The following SHANK2 variants were observed in gnomAD, a reference collection of about 807,000 sequenced individuals.
SHANK2 encodes the protein SH3 and multiple ankyrin repeat domains protein 2.
In SHANK2, 43 loss-of-function variants were observed where a neutral mutation model predicts 133.7. The ratio of observed to expected loss-of-function variants is 0.32; its 90% confidence interval spans 0.25 to 0.41. The LOEUF (loss-of-function observed/expected upper bound fraction) is 0.41. Among genes scored for constraint, SHANK2 ranks in the 10% least tolerant of loss-of-function variants. The pLI is 1.00. For missense variants in SHANK2, 1,994 were observed against 2,235.8 expected (o/e 0.89, Z 2.18); for synonymous variants, 1,017 against 952.8 (o/e 1.07, Z -1.24).
chr11:71,140,559 C>T (rs192407254), intron 3 of SHANK2, among the ~76,000 whole-genome samples: 6 of 152,334 alleles, frequency 3.9e-5, no homozygotes, highest in Non-Finnish European at 5.9e-5. Context: ...CTGAGATGAC[C>T]GGGGCCTCCC....
At chr11:70,955,460 T>TGA (rs1555087613) in intron 10 of SHANK2, among the ~76,000 whole-genome samples, 7 of 148,978 alleles carry the variant, frequency 4.7e-5, no homozygotes, top group African/African-American at 1.7e-4. Context: ...TGTGTGTGTG[T>TGA]GAATGTACAC....
intron 17 of SHANK2, among the ~76,000 whole-genome samples, chr11:70,613,546 C>A (rs1289572900): frequency 6.6e-6 from 1 of 152,028 alleles, no homozygotes; most frequent in Admixed American, 6.6e-5. Context: ...ACTCAAAAGG[C>A]TCTGGAAGAC....
intron 11 of SHANK2, among the ~76,000 whole-genome samples, chr11:70,859,299 T>C (rs190360592): frequency 1.3e-5 from 2 of 151,940 alleles, no homozygotes; most frequent in Admixed American, 1.3e-4. Context: ...GGCAGATGGA[T>C]GGGTAGGTGA....
chr11:71,167,466 T>C (rs1590980180), intron 2 of SHANK2, among the ~76,000 whole-genome samples: 1 of 108,258 alleles, frequency 9.2e-6, no homozygotes, highest in Admixed American at 9.9e-5. Flanking sequence ...GCAGAGGGGC[T>C]CCTCACTTCC....
intron 11 of SHANK2, chr11:70,873,219 T>A: frequency 2.3e-6 from 1 of 435,078 alleles, no homozygotes; most frequent in Non-Finnish European, 4.8e-6. Flanking sequence ...ACAATGAGTT[T>A]TGCCTTTCAA....
At chr11:71,084,580 T>C (rs1223733301) in intron 8 of SHANK2, among the ~76,000 whole-genome samples, 1 of 152,180 alleles carries the variant, frequency 6.6e-6, no homozygotes, top group Admixed American at 6.5e-5. Flanking sequence ...AGACACAGAC[T>C]TTAAATGCAA....
intron 17 of SHANK2, among the ~76,000 whole-genome samples, chr11:70,648,034 C>A (rs1555009034): frequency 6.6e-6 from 1 of 152,246 alleles, no homozygotes; most frequent in African/African-American, 2.4e-5. Flanking sequence ...AATGGATAAA[C>A]TAATTGTGGT....
intron 2 of SHANK2, among the ~76,000 whole-genome samples, chr11:71,186,622 C>A (rs1953677711): frequency 6.6e-6 from 1 of 152,234 alleles, no homozygotes; most frequent in Non-Finnish European, 1.5e-5. Context: ...TCATAAGAGA[C>A]CTTCGGGTAT....
rs2135085948 is a variant in SHANK2, at chr11:70,776,936, G to T, written c.1777+21507C>A. ...ATCTACCCACCTAACTATTCATTTA[G>T]ACATCCATCCACCCATTGAGATACC... is the stretch of plus-strand genomic sequence containing the variant. On this transcript the variant is annotated intron_variant, in intron 14 of 25. Transcript: ENST00000601538. 2.2e-5 allele frequency among the ~76,000 whole-genome samples: 3 copies of T among 138,456 alleles called. No individual in the cohort carries two copies. The South Asian group carries it at 7.3e-4, about 34-fold the overall frequency. The allele number at this position is 138,456 out of a possible 152,430, so 90.8% of individuals were successfully genotyped here. A position where few individuals can be genotyped will look rare whatever the true frequency, so the allele number is the denominator to read the frequency against.
chr11:71,142,822 A>AT (rs2135388358), intron 3 of SHANK2, among the ~76,000 whole-genome samples: 1 of 152,238 alleles, frequency 6.6e-6, no homozygotes, highest in East Asian at 1.9e-4. Flanking sequence ...CAAAAAAAAA[A>AT]AAAAGTCACC....
At chr11:70,805,684 T>G (rs1311008696) in intron 13 of SHANK2, among the ~76,000 whole-genome samples, 1 of 152,134 alleles carries the variant, frequency 6.6e-6, no homozygotes, top group Non-Finnish European at 1.5e-5. Flanking sequence ...AAGTTTTTAA[T>G]GAACAAAAAA....
chr11:70,793,781 T>G (rs2135193316), intron 14 of SHANK2, among the ~76,000 whole-genome samples: 1 of 152,298 alleles, frequency 6.6e-6, no homozygotes, highest in South Asian at 2.1e-4. Context: ...TAGTTTCTTA[T>G]AAAATGAAAA....
chr11:71,141,229 AC>A (rs1260005632), intron 3 of SHANK2, among the ~76,000 whole-genome samples: 3 of 152,104 alleles, frequency 2.0e-5, no homozygotes, highest in East Asian at 3.9e-4. Flanking sequence ...AGTGCTGTCT[AC>A]CTCAAGGCTG....
chr11:71,194,230 G>A (rs1269322999), intron 2 of SHANK2, among the ~76,000 whole-genome samples: 2 of 152,188 alleles, frequency 1.3e-5, no homozygotes, highest in Non-Finnish European at 2.9e-5. Flanking sequence ...ATGCTGGTCT[G>A]TAGGTGGCTG....
At chr11:70,565,608 GCC>G (rs1846978833) in intron 17 of SHANK2, among the ~76,000 whole-genome samples, 1 of 152,174 alleles carries the variant, frequency 6.6e-6, no homozygotes, top group South Asian at 2.1e-4. Context: ...CTGCCCCACA[GCC>G]TGGAAACGCT....
intron 11 of SHANK2, among the ~76,000 whole-genome samples, chr11:70,826,046 AG>A (rs1339239232): frequency 1.3e-5 from 2 of 152,224 alleles, no homozygotes; most frequent in Admixed American, 6.5e-5. Flanking sequence ...AGCCGGGAGC[AG>A]CTCGGAAGGT....
intron 10 of SHANK2, among the ~76,000 whole-genome samples, chr11:70,910,280 T>C (rs571636932): frequency 1.5e-4 from 23 of 152,278 alleles, no homozygotes; most frequent in African/African-American, 5.1e-4. Flanking sequence ...CAGAATCTCT[T>C]TGCCTTCCTC....
chr11:70,658,933 G>T (rs1591716000), intron 17 of SHANK2, among the ~76,000 whole-genome samples: 1 of 152,218 alleles, frequency 6.6e-6, no homozygotes, highest in East Asian at 1.9e-4. Context: ...AAGAGCGCGT[G>T]CATCCAAGAA....
chr11:70,754,573 G>A (rs577174819), intron 14 of SHANK2, among the ~76,000 whole-genome samples: 1 of 152,280 alleles, frequency 6.6e-6, no homozygotes, highest in East Asian at 1.9e-4. Context: ...GCCTCCCCCC[G>A]GTGAGCTCGA....
Sources: allele counts gnomAD v4.1 joint callset (sites outside exome capture counted in the v4.1 genomes callset), GRCh38; gene constraint gnomAD v4.1.1; transcripts MANE v1.5; gene names NCBI Gene and HGNC (gene_info 2026-07-23, HGNC 2026-07-21).